SLC2A5: variants seen among roughly 807,000 people sequenced by gnomAD.
SLC2A5 encodes solute carrier family 2 member 5.
In SLC2A5, 56 loss-of-function variants were observed where a neutral mutation model predicts 50.3. The ratio of observed to expected loss-of-function variants is 1.11; its 90% CI spans 0.90 to 1.39. The LOEUF (loss-of-function observed/expected upper bound fraction) is 1.39, where lower values mean the gene tolerates loss of function less well. Ranked by LOEUF, SLC2A5 falls within the 40% of genes most tolerant of loss-of-function variation. The pLI, the probability that SLC2A5 is intolerant of heterozygous loss-of-function variation, is 0.00. For missense variants in SLC2A5, 566 were observed against 650.1 expected, an observed-to-expected ratio of 0.87 and a Z score of 1.41; for synonymous variants, 269 against 281.9, an observed-to-expected ratio of 0.95 and a Z score of 0.46.
At chr1:9,062,732 C>A (rs572872875) in intron 1 of SLC2A5, among the ~76,000 whole-genome samples, 188 of 151,864 alleles carry the variant, frequency 1.2e-3, no homozygotes, top group African/African-American at 4.3e-3. Context: ...ATAAGCCAGG[C>A]GTGGTGGCAT....
upstream of SLC2A5, among the ~76,000 whole-genome samples, chr1:9,070,656 AC>A (rs1284396787): frequency 2.0e-5 from 3 of 151,920 alleles, no homozygotes; most frequent in East Asian, 5.8e-4. Context: ...TACAGAACAT[AC>A]TCCCAGTTCT....
rs772625824 is a variant in SLC2A5 at position 9,040,041 on chromosome 1, G to A, written c.697+23C>T. The A allele has an allele frequency of 2.5e-6, 4 of 1,582,438 alleles. No individual in the cohort carries two copies. Among genetic ancestry groups the A allele is most frequent in the South Asian group, 2.3e-5 (2 of 88,270 alleles). ...GGCTGGGGAGCAGAACCTGGAGGCC[G>A]CCCCCGCCAGAGCCCTCGTTACCTT... is the stretch of plus-strand genomic sequence containing the variant. On this transcript the variant is annotated intron_variant, in intron 6 of 11. Transcript: ENST00000377424. This position sits in a 1 kb window ranked among gnomAD's most constrained non-coding sequence, Gnocchi z 4.3.
In SLC2A5 at chr1:9,039,989, T is replaced by G. The variant is rs1641256518; in HGVS notation, c.698-2A>C. On this transcript the variant is annotated splice_acceptor_variant, in intron 6 of 11. Coordinates refer to ENST00000377424, the MANE Select transcript of SLC2A5 (RefSeq NM_003039.3). LOFTEE classifies it high-confidence loss of function. ...CCCAGCCGCGCAGCGTCTGTAGGGC[T>G]GGGGAGAAGCGGCACCGTCGGACCA... The G allele has an allele frequency of 1.2e-6, 2 of 1,604,582 alleles. No homozygotes were observed. The highest frequency in any genetic ancestry group is 2.7e-5 in the African/African-American group (2 of 74,692).
intron 2 of SLC2A5, among the ~76,000 whole-genome samples, chr1:9,079,026 G>A (rs1026406451): frequency 1.3e-5 from 2 of 152,290 alleles, no homozygotes; most frequent in South Asian, 4.1e-4. Flanking sequence ...CCCAACCCCA[G>A]TGCCCACGCG....
At chr1:9,091,232 TAA>T (rs1412427961), upstream of SLC2A5, among the ~76,000 whole-genome samples, 1 of 152,210 alleles carries the variant, frequency 6.6e-6, no homozygotes, top group African/African-American at 2.4e-5. Flanking sequence ...TTCTTGCACC[TAA>T]AACATGCCTT....
intron 1 of SLC2A5, among the ~76,000 whole-genome samples, chr1:9,085,861 C>T (rs938585324): frequency 4.6e-5 from 7 of 152,156 alleles, no homozygotes; most frequent in Non-Finnish European, 5.9e-5. Context: ...GCAACGGGCC[C>T]AGGCAAATCC....
In SLC2A5 at chr1:9,039,572, C is replaced by T. The variant is rs1401721913; in HGVS notation, c.976G>A (p.Val326Met). Reference protein sequence around the residue: ...YVTAGTGAVNVVMTFCAVFVV... With the variant: ...YVTAGTGAVNMVMTFCAVFVV... ...CTCACGGCGCAGAAGGTCATGACCA[C>T]GTTCACGGCCCCGGTGCCGGCCGTC... Residue 326 changes from valine to methionine, a missense_variant, in exon 8 of 12, where the codon GTG (valine) becomes ATG (methionine). Coordinates refer to ENST00000377424, the MANE Select transcript of SLC2A5 (RefSeq NM_003039.3). 1 of 1,574,500 alleles carries T rather than the reference C, an allele frequency of 6.4e-7. No homozygotes were observed. Among genetic ancestry groups the T allele is most frequent in the South Asian group, 1.2e-5 (1 of 85,832 alleles).
At chr1:9,083,160 T>G (rs1468870022) in intron 2 of SLC2A5, among the ~76,000 whole-genome samples, 1 of 152,226 alleles carries the variant, frequency 6.6e-6, no homozygotes, top group Non-Finnish European at 1.5e-5. Flanking sequence ...ACTACTTTGC[T>G]GGGACATCAT....
chr1:9,043,736 T>G (rs1010713806), intron 4 of SLC2A5, among the ~76,000 whole-genome samples: 1 of 148,510 alleles, frequency 6.7e-6, no homozygotes, highest in Non-Finnish European at 1.5e-5. Flanking sequence ...TTTTTTTTTT[T>G]CGAGATGCGA....
Position 9,057,504 on chromosome 1 carries a change from T to G in SLC2A5, c.237A>C (p.Pro79=). The change falls in exon 3 of 12, where the codon CCA becomes CCC. Residue 79 remains proline, a synonymous_variant. Transcript: ENST00000377424. ...LLWSVTVSMF[P]FGGFIGSLLV... ...GGAGGGATCCGATAAACCCTCCAAATGGAAACATGGACACGGTTACAGACC... is the reference window on the plus strand; with the variant it reads ...GGAGGGATCCGATAAACCCTCCAAAGGGAAACATGGACACGGTTACAGACC... 1 of 1,613,864 alleles carries G rather than the reference T, an allele frequency of 6.2e-7. No homozygotes were observed.
At chr1:9,050,707 G>T (rs1045270225) in intron 3 of SLC2A5, among the ~76,000 whole-genome samples, 4 of 151,944 alleles carry the variant, frequency 2.6e-5, no homozygotes, top group Non-Finnish European at 5.9e-5. Flanking sequence ...ATGAAAGAAA[G>T]AATTGATCCT....
chr1:9,038,976 T>C (rs746814520), intron 8 of SLC2A5, 47 bp from the exon 9 acceptor site: 1 of 1,586,514 alleles, frequency 6.3e-7, no homozygotes, highest in Non-Finnish European at 8.6e-7. Context: ...CAGCTTCACC[T>C]CCCTCCAGCC....
At chr1:9,053,679 G>A (rs1397064710) in intron 3 of SLC2A5, among the ~76,000 whole-genome samples, 4 of 146,422 alleles carry the variant, frequency 2.7e-5, no homozygotes, top group South Asian at 2.1e-4. Flanking sequence ...TTCAAGACCA[G>A]CCTGGCCAAC....
At chr1:9,083,253 A>T (rs572376557) in intron 2 of SLC2A5, among the ~76,000 whole-genome samples, 1 of 152,348 alleles carries the variant, frequency 6.6e-6, no homozygotes, top group East Asian at 1.9e-4. Flanking sequence ...TGCTTGAAGC[A>T]ATGCAATTTT....
intron 2 of SLC2A5, among the ~76,000 whole-genome samples, chr1:9,080,290 G>A (rs192450767): frequency 6.5e-4 from 99 of 152,294 alleles, no homozygotes; most frequent in African/African-American, 2.2e-3. Context: ...CAAGTATCTC[G>A]CTGAGCCCCC....
At chr1:9,092,930 C>G (rs1443235161), upstream of SLC2A5, among the ~76,000 whole-genome samples, 1 of 152,130 alleles carries the variant, frequency 6.6e-6, no homozygotes, top group Non-Finnish European at 1.5e-5. Flanking sequence ...ACCCTTTTGC[C>G]TTTAGCCCTT....
In SLC2A5 at chr1:9,035,763, CA is replaced by C. The variant is rs1641122515; in HGVS notation, c.*1822del. 1 of 152,088 alleles carries C rather than the reference CA, an allele frequency of 6.6e-6. No individual in the cohort carries two copies. Among genetic ancestry groups the C allele is most frequent in the Non-Finnish European group, 1.5e-5 (1 of 68,052 alleles). The allele number at this position is 152,088 out of a possible 1,614,324, so 9.4% of individuals were successfully genotyped here. On this transcript the variant is annotated 3_prime_UTR_variant, in exon 12 of 12. Coordinates refer to ENST00000377424, the MANE Select transcript of SLC2A5 (RefSeq NM_003039.3). ...GATGTATCAGAGACTGGGTAAATTGCAAAGAAAAAGAGATTTAATGGACTCG... is the reference window on the plus strand; with the variant it reads ...GATGTATCAGAGACTGGGTAAATTGCAAGAAAAAGAGATTTAATGGACTCG...
chr1:9,047,876 ACT>A, intron 3 of SLC2A5, 142 bp from the exon 4 acceptor site: 1 of 821,184 alleles, frequency 1.2e-6, no homozygotes, highest in Non-Finnish European at 1.9e-6. Context: ...GGGACCTGAG[ACT>A]GATACAGGTC....
intron 2 of SLC2A5, among the ~76,000 whole-genome samples, chr1:9,080,504 C>T (rs116762932): frequency 0.012 from 1,822 of 152,228 alleles, 42 homozygotes; most frequent in African/African-American, 0.041. Context: ...TTGCTGTTAT[C>T]GTTGTTTTTG....
Sources: allele counts gnomAD v4.1 joint callset (sites outside exome capture counted in the v4.1 genomes callset), GRCh38; gene constraint gnomAD v4.1.1; non-coding constraint Gnocchi (gnomAD v3.1); transcripts MANE v1.5; gene names NCBI Gene and HGNC (gene_info 2026-07-23, HGNC 2026-07-21).